KLF3: variants seen among roughly 807,000 people sequenced by gnomAD.
KLF3 encodes KLF transcription factor 3.
In KLF3, 6 loss-of-function variants were observed where a neutral mutation model predicts 32.7. The observed-to-expected ratio is 0.18, with a 90% CI of 0.10 to 0.36. The LOEUF is 0.36. Ranked by LOEUF, KLF3 falls within the 10% of genes least tolerant of loss-of-function variation. KLF3 has a pLI of 1.00. For missense variants in KLF3, 338 were observed against 449.7 expected (o/e 0.75, Z 2.25); for synonymous variants, 145 against 172.8 (o/e 0.84, Z 1.26).
chr4:38,677,905 G>A (rs971457562), intron 1 of KLF3, among the ~76,000 whole-genome samples: 3 of 151,896 alleles, frequency 2.0e-5, no homozygotes, highest in African/African-American at 7.3e-5. Context: ...GTGTGTGTGT[G>A]TGTGTGTGTG....
chr4:38,700,102 G>A lies in KLF3; in HGVS notation c.*2839G>A, dbSNP rs531010933. 1.3e-5 allele frequency: 2 copies of A among 152,286 alleles called. No homozygotes were observed. Among genetic ancestry groups the A allele is most frequent in the Non-Finnish European group, 1.5e-5 (1 of 68,018 alleles). The allele number at this position is 152,286 out of a possible 1,614,324, so 9.4% of individuals were successfully genotyped here. Reference sequence around the variant, plus strand: ...GAAGTCAGAAGAATCAGAATCCATCGTATTTTAGAGTTATGTGAATCTACA... The same window carrying A: ...GAAGTCAGAAGAATCAGAATCCATCATATTTTAGAGTTATGTGAATCTACA... On this transcript the variant is annotated 3_prime_UTR_variant, in exon 6 of 6. Transcript: ENST00000261438.
At chr4:38,696,259 G>T (rs1473811259) in intron 5 of KLF3, among the ~76,000 whole-genome samples, 1 of 150,234 alleles carries the variant, frequency 6.7e-6, no homozygotes, top group East Asian at 2.0e-4. Context: ...TAGAAATCCT[G>T]CATATCTCAT....
intron 1 of KLF3, among the ~76,000 whole-genome samples, chr4:38,678,329 G>A (rs1722412656): frequency 6.6e-6 from 1 of 152,142 alleles, no homozygotes; most frequent in South Asian, 2.1e-4. Context: ...CTGCTAGTCT[G>A]GGAACTGCTT....
intron 1 of KLF3, among the ~76,000 whole-genome samples, chr4:38,678,562 A>G (rs1722420101): frequency 6.6e-6 from 1 of 152,208 alleles, no homozygotes; most frequent in Non-Finnish European, 1.5e-5. Context: ...TATTGATGAA[A>G]TTCGTGTGTT....
intron 1 of KLF3, among the ~76,000 whole-genome samples, chr4:38,675,228 C>T (rs962285612): frequency 6.6e-6 from 1 of 152,160 alleles, no homozygotes; most frequent in African/African-American, 2.4e-5. Context: ...TTTTTGAGGA[C>T]CATTCATTTT....
At position 38,701,222 on chromosome 4, in the gene KLF3, C is replaced by T. The variant is rs1210332919; in HGVS notation, c.*3959C>T. ...AATTAACTCAGCCCTCAAGCTATGT[C>T]CCTGGTTTTCTGAAAACAGCCAACA... is the stretch of plus-strand genomic sequence containing the variant. On this transcript the variant is annotated 3_prime_UTR_variant, in exon 6 of 6. Transcript: ENST00000261438. Among the ~76,000 whole-genome samples, 1 of 152,154 alleles carries T rather than the reference C, an allele frequency of 6.6e-6. No individual in the cohort carries two copies. The highest frequency in any genetic ancestry group is 2.4e-5 in the African/African-American group (1 of 41,424).
chr4:38,693,378 C>T (rs1199970847), intron 4 of KLF3, among the ~76,000 whole-genome samples: 1 of 150,458 alleles, frequency 6.6e-6, no homozygotes, highest in Non-Finnish European at 1.5e-5. Context: ...GAAGTAAGGT[C>T]ACTTAAGAAA....
rs780386000 is a variant in KLF3, at chr4:38,689,041, G to A, written c.514G>A (p.Glu172Lys). 86 of 1,613,648 alleles carry A rather than the reference G, an allele frequency of 5.3e-5. No individual in the cohort carries two copies. The highest frequency in any genetic ancestry group is 1.6e-4 in the Middle Eastern group (1 of 6,082). ...GCCTCTCATGGTCTCCTTATCGGAG[G>A]AGATGGAAAATTCCAGTAGTAGCAT... Reference protein sequence around the residue: ...QQPLMVSLSEEMENSSSSMQV... With the variant: ...QQPLMVSLSEKMENSSSSMQV... Residue 172 changes from glutamate (E) to lysine (K), a missense_variant, in exon 3 of 6, where the codon GAG (glutamate) becomes AAG (lysine). By Grantham distance (56) the Glu-to-Lys change is moderately conservative. Transcript: ENST00000261438.
At chr4:38,667,768 G>A (rs2637727) in intron 1 of KLF3, among the ~76,000 whole-genome samples, 1 of 152,192 alleles carries the variant, frequency 6.6e-6, no homozygotes, top group Non-Finnish European at 1.5e-5. Flanking sequence ...GCCCACCCTC[G>A]TTCACGTTTA....
intron 2 of KLF3, among the ~76,000 whole-genome samples, chr4:38,681,148 T>C (rs1303518193): frequency 6.6e-6 from 1 of 152,146 alleles, no homozygotes; most frequent in Admixed American, 6.5e-5. Context: ...AGCTAAATAC[T>C]GTCCTAGCAG....
intron 4 of KLF3, among the ~76,000 whole-genome samples, chr4:38,691,418 G>A (rs542614749): frequency 6.6e-6 from 1 of 152,168 alleles, no homozygotes; most frequent in Non-Finnish European, 1.5e-5. Flanking sequence ...AACTAGCAAC[G>A]TGGCCTGCAC....
intron 1 of KLF3, among the ~76,000 whole-genome samples, chr4:38,672,917 A>G (rs1405029014): frequency 6.6e-6 from 1 of 151,268 alleles, no homozygotes; most frequent in Non-Finnish European, 1.5e-5. Context: ...CTAGGTTTCC[A>G]TGGTGAAGGA....
At chr4:38,677,623 G>A (rs1267163524) in intron 1 of KLF3, among the ~76,000 whole-genome samples, 1 of 152,226 alleles carries the variant, frequency 6.6e-6, no homozygotes, top group Non-Finnish European at 1.5e-5. Flanking sequence ...TGTTGTTGCA[G>A]TGGTACAGTT....
rs957390575 is a variant in KLF3, at chr4:38,698,198, T to C, written c.*935T>C. On this transcript the variant is annotated 3_prime_UTR_variant, in exon 6 of 6. Coordinates refer to ENST00000261438, the MANE Select transcript of KLF3 (RefSeq NM_016531.6). The stretch of plus-strand genomic sequence containing the variant: ...GTCCTTAATATGAGATCATCAAACA[T>C]TGATAGTAGGGACTCCATGGAATAT... 3 of 152,252 alleles carry C rather than the reference T, an allele frequency of 2.0e-5. No homozygotes were observed. The highest frequency in any genetic ancestry group is 7.2e-5 in the African/African-American group (3 of 41,462). 9.4% of individuals were successfully genotyped at this position (152,252 alleles called of 1,614,324 possible).
rs10030743 is a variant in KLF3 at position 38,693,768 on chromosome 4, G to T, written c.696-978G>T. 2.2e-3 allele frequency among the ~76,000 whole-genome samples: 334 copies of T among 152,298 alleles called. 2 individuals carry two copies. Among genetic ancestry groups the T allele is most frequent in the African/African-American group, 7.7e-3 (320 of 41,560 alleles). On this transcript the variant is annotated intron_variant, in intron 4 of 5. Transcript: ENST00000261438. ...ATTAGGAAAGTGAATGAGCAGATTAGAACATTATAATTACTTACATTAATC... is the reference window on the plus strand; with the variant it reads ...ATTAGGAAAGTGAATGAGCAGATTATAACATTATAATTACTTACATTAATC...
At position 38,699,577 on chromosome 4, in the gene KLF3, A is replaced by T. The variant is rs1723144951; in HGVS notation, c.*2314A>T. The T allele has an allele frequency of 6.6e-6, 1 of 152,266 alleles. No homozygotes were observed. The highest frequency in any genetic ancestry group is 2.4e-5 in the African/African-American group (1 of 41,472). 9.4% of individuals were successfully genotyped at this position (152,266 alleles called of 1,614,324 possible). ...GAGCCTGAGTTCAGTGAATAGCCTC[A>T]TGGGCATCTCATGGAATTGATGCAT... On this transcript the variant is annotated 3_prime_UTR_variant, in exon 6 of 6. Coordinates refer to ENST00000261438, the MANE Select transcript of KLF3 (RefSeq NM_016531.6).
rs1722280290 is a variant in KLF3, at chr4:38,674,389, C to T, written c.-39-6198C>T. On this transcript the variant is annotated intron_variant, in intron 1 of 5. Coordinates refer to ENST00000261438, the MANE Select transcript of KLF3 (RefSeq NM_016531.6). This position sits in a 1 kb window ranked among gnomAD's most constrained non-coding sequence, Gnocchi z 4.1. The stretch of plus-strand genomic sequence containing the variant: ...AGCTACAGGGATGTTGCTTGCCTGC[C>T]CAGTTTTCCTAGCCAAGAATTACAC... Among the ~76,000 whole-genome samples, 1 of 151,536 alleles carries T rather than the reference C, an allele frequency of 6.6e-6. No individual in the cohort carries two copies. The highest frequency in any genetic ancestry group is 2.1e-4 in the South Asian group (1 of 4,812).
Position 38,689,851 on chromosome 4 carries a change from G to A in KLF3, c.667G>A (p.Val223Met). ...EEMSPPLMNSVSPPQALLQEN... is the reference protein window; with the variant it reads ...EEMSPPLMNSMSPPQALLQEN... ...AATGTCACCCCCCTTAATGAACTCA[G>A]TGTCCCCCCCGCAAGCATTGTTGCA... The change falls in exon 4 of 6, where the codon GTG becomes ATG. Residue 223 changes from valine to methionine, a missense_variant. By Grantham distance (21) the Val-to-Met change is conservative. Transcript: ENST00000261438. The A allele has an allele frequency of 1.9e-6, 3 of 1,604,172 alleles. No individual in the cohort carries two copies. Among genetic ancestry groups the A allele is most frequent in the East Asian group, 2.3e-5 (1 of 44,428 alleles).
At chr4:38,667,082 T>C (rs976405716) in intron 1 of KLF3, among the ~76,000 whole-genome samples, 60 of 152,344 alleles carry the variant, frequency 3.9e-4, no homozygotes, top group East Asian at 1.9e-4. Context: ...GCAGCTCTTA[T>C]TTGTAAATAG....
Sources: allele counts gnomAD v4.1 joint callset (sites outside exome capture counted in the v4.1 genomes callset), GRCh38; gene constraint gnomAD v4.1.1; non-coding constraint Gnocchi (gnomAD v3.1); transcripts MANE v1.5; gene names NCBI Gene and HGNC (gene_info 2026-07-23, HGNC 2026-07-21).